CDKN2D: variants seen among roughly 807,000 people sequenced by gnomAD.
CDKN2D encodes cyclin dependent kinase inhibitor 2D.
CDKN2D carries 3 observed loss-of-function variants against 4.7 expected under a neutral mutation model. That is an observed-to-expected ratio of 0.64 (90% CI 0.29 to 1.66). The LOEUF (loss-of-function observed/expected upper bound fraction) is 1.66. Ranked by LOEUF, CDKN2D falls within the 40% of genes most tolerant of loss-of-function variation. The pLI is 0.10. For synonymous variants in CDKN2D, 91 were observed against 102.3 expected, an observed-to-expected ratio of 0.89 and a Z score of 0.67; for missense variants, 196 against 230.9, an observed-to-expected ratio of 0.85 and a Z score of 0.98.
chr19:10,567,480 G>A lies in CDKN2D; in HGVS notation c.142-63C>T, dbSNP rs998799396. On this transcript the variant is annotated intron_variant, in intron 1 of 1. Transcript: ENST00000393599. ...AGGAGGTTCCACAAAAGGGGTCACTGGAAAGAGAAGGGTCATCCAGAAAGA... is the reference window on the plus strand; with the variant it reads ...AGGAGGTTCCACAAAAGGGGTCACTAGAAAGAGAAGGGTCATCCAGAAAGA... The A allele has an allele frequency of 6.1e-5, 93 of 1,533,016 alleles. No homozygotes were observed. In the African/African-American group the frequency reaches 1.2e-3, roughly 20 times the overall value. 95.0% of individuals were successfully genotyped at this position (1,533,016 alleles called of 1,614,324 possible). A position where few individuals can be genotyped will look rare whatever the true frequency, so the allele number is the denominator to read the frequency against.
At position 10,567,271 on chromosome 19, in the gene CDKN2D, G is replaced by A. The variant is rs1017414926; in HGVS notation, c.288C>T (p.His96=). ...CATCAGGCACGTTGACATCAGCCCC[G>A]TGCTCCACTAGGACCTTCAGGGTGT... ...FLDTLKVLVE[H]GADVNVPDGT... The change falls in exon 2 of 2, where the codon CAC becomes CAT. Residue 96 remains histidine (H), a synonymous_variant. Coordinates refer to ENST00000393599, the MANE Select transcript of CDKN2D (RefSeq NM_001800.4). 1.2e-6 allele frequency: 2 copies of A among 1,614,192 alleles called. No individual in the cohort carries two copies. The highest frequency in any genetic ancestry group is 1.3e-5 in the African/African-American group (1 of 75,046).
Position 10,568,580 on chromosome 19 carries a change from C to A in CDKN2D, c.74G>T (p.Arg25Leu). 1.3e-6 allele frequency: 2 copies of A among 1,501,446 alleles called. No homozygotes were observed. Among genetic ancestry groups the A allele is most frequent in the Admixed American group, 2.1e-5 (1 of 48,582 alleles). 93.0% of individuals were successfully genotyped at this position (1,501,446 alleles called of 1,614,324 possible). ...AAARGDVQEV[R>L]RLLHRELVHP... ...CACCAGCTCCCGGTGCAGAAGGCGG[C>A]GCACCTCCTGCACGTCGCCCCGGGC... Residue 25 changes from arginine to leucine, a missense_variant, in exon 1 of 2, where the codon CGC (arginine) becomes CTC (leucine). Arg to Leu is a moderately radical substitution (Grantham distance 102). Transcript: ENST00000393599.
Position 10,568,494 on chromosome 19 carries a change from T to C in CDKN2D, c.141+19A>G. On this transcript the variant is annotated intron_variant, in intron 1 of 1. Transcript: ENST00000393599. ...CCCGCTTAGCCGCCCCGCCCCAACCTGGACCGGCCCGGCCTCACCTGCAGC... is the reference window on the plus strand; with the variant it reads ...CCCGCTTAGCCGCCCCGCCCCAACCCGGACCGGCCCGGCCTCACCTGCAGC... 1 of 1,358,874 alleles carries C rather than the reference T, an allele frequency of 7.4e-7. No individual in the cohort carries two copies. The highest frequency in any genetic ancestry group is 9.5e-7 in the Non-Finnish European group (1 of 1,050,362). The allele number at this position is 1,358,874 out of a possible 1,614,324, so 84.2% of individuals were successfully genotyped here. A position where few individuals can be genotyped will look rare whatever the true frequency, so the allele number is the denominator to read the frequency against.
chr19:10,567,658 C>A (rs3218217), intron 1 of CDKN2D, among the ~76,000 whole-genome samples: 1,934 of 117,832 alleles, frequency 0.016, 46 homozygotes, highest in African/African-American at 0.059. Context: ...CAGAGAACAG[C>A]CCCCCATGGA....
At position 10,567,314 on chromosome 19, in the gene CDKN2D, G is replaced by A. The variant is rs371699368; in HGVS notation, c.245C>T (p.Ala82Val). The change falls in exon 2 of 2, where the codon GCC becomes GTC. Residue 82 changes from alanine (A) to valine (V), a missense_variant. By Grantham distance (64) the Ala-to-Val change is moderately conservative. Coordinates refer to ENST00000393599, the MANE Select transcript of CDKN2D (RefSeq NM_001800.4). Reference sequence around the variant, plus strand: ...CAGGGTGTCCAGGAATCCAGTGCGGGCTGCGTCATGGACTGGACTGGTACC... The same window carrying A: ...CAGGGTGTCCAGGAATCCAGTGCGGACTGCGTCATGGACTGGACTGGTACC... ...TSGTSPVHDA[A>V]RTGFLDTLKV... 34 of 1,614,050 alleles carry A rather than the reference G, an allele frequency of 2.1e-5. No individual in the cohort carries two copies. In the African/African-American group the frequency reaches 2.7e-4, roughly 13 times the overall value.
Position 10,567,430 on chromosome 19 carries a change from C to CA in CDKN2D, c.142-14dup. 2 of 1,605,044 alleles carry CA rather than the reference C, an allele frequency of 1.2e-6. No homozygotes were observed. Among genetic ancestry groups the CA allele is most frequent in the Non-Finnish European group, 1.7e-6 (2 of 1,174,282 alleles). ...CAAACATCATGACCTGTGTGAGGGA[C>CA]AGAGGATCAGGAGGTCCTCAAGGGA... On this transcript the variant is annotated splice_polypyrimidine_tract_variant and intron_variant, in intron 1 of 1. Transcript: ENST00000393599.
In CDKN2D at chr19:10,567,198, C is replaced by G. The variant is rs139314642; in HGVS notation, c.361G>C (p.Ala121Pro). 1 of 1,614,212 alleles carries G rather than the reference C, an allele frequency of 6.2e-7. No individual in the cohort carries two copies. Residue 121 changes from alanine (A) to proline (P), a missense_variant, in exon 2 of 2, where the codon GCT (alanine) becomes CCT (proline). Physicochemically the swap from Ala to Pro is conservative, Grantham distance 27. Coordinates refer to ENST00000393599, the MANE Select transcript of CDKN2D (RefSeq NM_001800.4). ...IHLAVQEGHT[A>P]VVSFLAAESD... is the part of the protein sequence containing the mutation. ...TCAGCTGCCAGAAAGCTGACCACAGCAGTGTGACCCTCTTGAACTGCCAGA... is the reference window on the plus strand; with the variant it reads ...TCAGCTGCCAGAAAGCTGACCACAGGAGTGTGACCCTCTTGAACTGCCAGA...
In CDKN2D at chr19:10,568,798, C is replaced by T. The variant is rs553108691; in HGVS notation, c.-145G>A. The T allele has an allele frequency of 8.6e-6, 4 of 466,762 alleles. No homozygotes were observed. Among genetic ancestry groups the T allele is most frequent in the South Asian group, 1.1e-4 (1 of 9,020 alleles). The allele number at this position is 466,762 out of a possible 1,614,324, so 28.9% of individuals were successfully genotyped here. Reference sequence around the variant, plus strand: ...CTGCGCTGCTCTCCCGTCCCGGCTCCCCAGCCCGAGACCCCGGCCCTCCCG... The same window carrying T: ...CTGCGCTGCTCTCCCGTCCCGGCTCTCCAGCCCGAGACCCCGGCCCTCCCG... On this transcript the variant is annotated 5_prime_UTR_variant, in exon 1 of 2. Transcript: ENST00000393599.
chr19:10,568,327 C>A (rs978949886), intron 1 of CDKN2D, among the ~76,000 whole-genome samples, 186 bp downstream of exon 1: 1 of 152,192 alleles, frequency 6.6e-6, no homozygotes, highest in Admixed American at 6.6e-5. Context: ...CCCCTCCCCC[C>A]ACAACCTAGC....
At position 10,568,778 on chromosome 19, in the gene CDKN2D, C is replaced by T; in HGVS notation, c.-125G>A. 1.8e-6 allele frequency: 1 copy of T among 567,374 alleles called. No homozygotes were observed. The highest frequency in any genetic ancestry group is 4.0e-5 in the East Asian group (1 of 25,152). 35.1% of individuals were successfully genotyped at this position (567,374 alleles called of 1,614,324 possible). On this transcript the variant is annotated 5_prime_UTR_variant, in exon 1 of 2. Transcript: ENST00000393599. ...CGCGGCCGCGGTGCACCCGGCTGCG[C>T]TGCTCTCCCGTCCCGGCTCCCCAGC...
rs751659950 is a variant in CDKN2D, at chr19:10,567,334, G to A, written c.225C>T (p.Thr75=). 3 of 1,614,124 alleles carry A rather than the reference G, an allele frequency of 1.9e-6. No homozygotes were observed. The highest frequency in any genetic ancestry group is 2.5e-6 in the Non-Finnish European group (3 of 1,180,020). The change falls in exon 2 of 2, where the codon ACC becomes ACT. Residue 75 remains threonine, a synonymous_variant. Transcript: ENST00000393599. ...TGCGGGCTGCGTCATGGACTGGACT[G>A]GTACCGGAGGTGTCCTGGACATTGG... is the stretch of plus-strand genomic sequence containing the variant. ...ASPNVQDTSG[T]SPVHDAARTG...
In CDKN2D at chr19:10,567,414, T is replaced by G. The variant is rs1369765148; in HGVS notation, c.145A>C (p.Met49Leu). 5 of 1,611,988 alleles carry G rather than the reference T, an allele frequency of 3.1e-6. No individual in the cohort carries two copies. The highest frequency in any genetic ancestry group is 4.2e-6 in the Non-Finnish European group (5 of 1,178,730). ...GCGATGGCGGTGCTGCCAAACATCA[T>G]GACCTGTGTGAGGGACAGAGGATCA... ...NRFGKTALQV[M>L]MFGSTAIALE... Residue 49 changes from methionine (M) to leucine (L), a missense_variant, in exon 2 of 2, where the codon ATG becomes CTG. Transcript: ENST00000393599.
Position 10,567,134 on chromosome 19 carries a change from G to T in CDKN2D, c.425C>A (p.Pro142His). The change falls in exon 2 of 2, where the codon CCC becomes CAC. Residue 142 changes from proline (P) to histidine (H), a missense_variant. Transcript: ENST00000393599. ...CCCTCTCTGCAGTGCCAGCTCCAAG[G>T]GTGTGAGACCCCTGGCGTCCCTGCG... ...LHRRDARGLT[P>H]LELALQRGAQ... 1 of 1,614,072 alleles carries T rather than the reference G, an allele frequency of 6.2e-7. No individual in the cohort carries two copies. Among genetic ancestry groups the T allele is most frequent in the Non-Finnish European group, 8.5e-7 (1 of 1,180,026 alleles).
In CDKN2D at chr19:10,567,052, C is replaced by A; in HGVS notation, c.*6G>T. The stretch of plus-strand genomic sequence containing the variant: ...GGGTTCTCTTGCTGGAGAGGGTGAC[C>A]CCAGATCACAGCGGGGCCACCATGT... On this transcript the variant is annotated 3_prime_UTR_variant, in exon 2 of 2. Coordinates refer to ENST00000393599, the MANE Select transcript of CDKN2D (RefSeq NM_001800.4). 2 of 1,600,034 alleles carry A rather than the reference C, an allele frequency of 1.2e-6. No individual in the cohort carries two copies. Among genetic ancestry groups the A allele is most frequent in the Non-Finnish European group, 1.7e-6 (2 of 1,174,954 alleles).
rs1352875087 is a variant in CDKN2D, at chr19:10,566,960, A to G, written c.*98T>C. On this transcript the variant is annotated 3_prime_UTR_variant, in exon 2 of 2. Coordinates refer to ENST00000393599, the MANE Select transcript of CDKN2D (RefSeq NM_001800.4). ...ACAAACTGTGCTCCTCCCCTACTGC[A>G]GCAGTGGGCAGGAGAAACAAGAAGA... The G allele has an allele frequency of 3.1e-6, 4 of 1,271,010 alleles. No homozygotes were observed. The highest frequency in any genetic ancestry group is 4.3e-6 in the Non-Finnish European group (4 of 924,342). 78.7% of individuals were successfully genotyped at this position (1,271,010 alleles called of 1,614,324 possible).
In CDKN2D at chr19:10,567,391, G is replaced by A. The variant is rs745421966; in HGVS notation, c.168C>T (p.Ile56=). Residue 56 remains isoleucine (I), a synonymous_variant, in exon 2 of 2, where the codon ATC becomes ATT. Transcript: ENST00000393599. ...CACCTTGCTTCAGCAGCTCCAGGGC[G>A]ATGGCGGTGCTGCCAAACATCATGA... The part of the protein sequence containing the change: ...LQVMMFGSTA[I]ALELLKQGAS... The A allele has an allele frequency of 1.2e-5, 19 of 1,613,722 alleles. No individual in the cohort carries two copies. The highest frequency in any genetic ancestry group is 3.3e-5 in the South Asian group (3 of 91,082).
At position 10,568,632 on chromosome 19, in the gene CDKN2D, C is replaced by A; in HGVS notation, c.22G>T (p.Ala8Ser). The A allele has an allele frequency of 6.6e-7, 1 of 1,506,854 alleles. No homozygotes were observed. The highest frequency in any genetic ancestry group is 8.8e-7 in the Non-Finnish European group (1 of 1,134,606). The allele number at this position is 1,506,854 out of a possible 1,614,324, so 93.3% of individuals were successfully genotyped here. A position where few individuals can be genotyped will look rare whatever the true frequency, so the allele number is the denominator to read the frequency against. The change falls in exon 1 of 2, where the codon GCC (alanine) becomes TCC (serine). Residue 8 changes from alanine to serine, a missense_variant. Physicochemically the swap from Ala to Ser is moderately conservative, Grantham distance 99. Transcript: ENST00000393599. ...GCCGCCCCACTCAGCCGGTCGCCGGCGCGAACCTCCTCCAGCAGCATGTCG... is the reference window on the plus strand; with the variant it reads ...GCCGCCCCACTCAGCCGGTCGCCGGAGCGAACCTCCTCCAGCAGCATGTCG... MLLEEVR[A>S]GDRLSGAAAR...
rs868167883 is a variant in CDKN2D at position 10,567,311 on chromosome 19, C to A, written c.248G>T (p.Arg83Leu). 6.2e-7 allele frequency: 1 copy of A among 1,614,044 alleles called. No homozygotes were observed. Among genetic ancestry groups the A allele is most frequent in the Admixed American group, 1.7e-5 (1 of 60,002 alleles). The change falls in exon 2 of 2, where the codon CGC (arginine) becomes CTC (leucine). Residue 83 changes from arginine to leucine, a missense_variant. Arg to Leu is a moderately radical substitution (Grantham distance 102). Transcript: ENST00000393599. ...CTTCAGGGTGTCCAGGAATCCAGTGCGGGCTGCGTCATGGACTGGACTGGT... is the reference window on the plus strand; with the variant it reads ...CTTCAGGGTGTCCAGGAATCCAGTGAGGGCTGCGTCATGGACTGGACTGGT... ...SGTSPVHDAARTGFLDTLKVL... is the reference protein window; with the variant it reads ...SGTSPVHDAALTGFLDTLKVL...
chr19:10,568,833 T>A lies in CDKN2D; in HGVS notation c.-180A>T, dbSNP rs1226364064. 1.4e-5 allele frequency: 5 copies of A among 347,306 alleles called. No individual in the cohort carries two copies. Among genetic ancestry groups the A allele is most frequent in the African/African-American group, 2.2e-5 (1 of 46,284 alleles). The allele number at this position is 347,306 out of a possible 1,614,324, so 21.5% of individuals were successfully genotyped here. On this transcript the variant is annotated 5_prime_UTR_variant, in exon 1 of 2. Coordinates refer to ENST00000393599, the MANE Select transcript of CDKN2D (RefSeq NM_001800.4). Reference sequence around the variant, plus strand: ...GACCCCGGCCCTCCCGGCGGGCTCCTCCCCCTGTCAGCCGGAGGACGGCGA... The same window carrying A: ...GACCCCGGCCCTCCCGGCGGGCTCCACCCCCTGTCAGCCGGAGGACGGCGA...
Sources: allele counts gnomAD v4.1 joint callset (sites outside exome capture counted in the v4.1 genomes callset), GRCh38; gene constraint gnomAD v4.1.1; transcripts MANE v1.5; gene names NCBI Gene and HGNC (gene_info 2026-07-23, HGNC 2026-07-21).